KLC3: variants seen among roughly 807,000 people sequenced by gnomAD.
KLC3 encodes kinesin light chain 2.
A neutral mutation model predicts 62.9 loss-of-function variants in KLC3; 72 were observed. That is an observed-to-expected ratio of 1.15 (90% confidence interval 0.95 to 1.39). The LOEUF (loss-of-function observed/expected upper bound fraction) is 1.39, where lower values mean the gene tolerates loss of function less well. Ranked by LOEUF, KLC3 falls within the 40% of genes most tolerant of loss-of-function variation. KLC3 has a pLI of 0.00. For synonymous variants in KLC3, 377 were observed against 300.5 expected (o/e 1.25, Z -2.63); for missense variants, 848 against 691.6 (o/e 1.23, Z -2.54).
chr19:45,341,226 G>A (rs1971388131), intron 1 of KLC3, among the ~76,000 whole-genome samples: 1 of 151,554 alleles, frequency 6.6e-6, no homozygotes, highest in Non-Finnish European at 1.5e-5. Context: ...CTTTGCGTGT[G>A]TGTAAGAGAG....
intron 1 of KLC3, among the ~76,000 whole-genome samples, chr19:45,341,708 A>G (rs1365075425): frequency 2.0e-5 from 3 of 147,388 alleles, no homozygotes; most frequent in Non-Finnish European, 4.5e-5. Flanking sequence ...GAGCTGTTTC[A>G]TGGGACGGTG....
At position 45,341,554 on chromosome 19, in the gene KLC3, GGTGT is replaced by G. The variant is rs773352088; in HGVS notation, c.-9+730_-9+733del. Among the ~76,000 whole-genome samples the G allele has an allele frequency of 7.9e-3, 1,144 of 144,084 alleles. 9 individuals carry two copies. The highest frequency in any genetic ancestry group is 0.024 in the African/African-American group (963 of 39,694). The allele number at this position is 144,084 out of a possible 152,430, so 94.5% of individuals were successfully genotyped here. ...GGCTGTGGTTGTCTTTCTGCCTGTTGGTGTGTGTGTGTGTGTGTGTGTGTGCGCG... is the reference window on the plus strand; with the variant it reads ...GGCTGTGGTTGTCTTTCTGCCTGTTGGTGTGTGTGTGTGTGTGTGTGCGCG... On this transcript the variant is annotated intron_variant, in intron 1 of 12. Transcript: ENST00000391946.
chr19:45,341,879 A>T (rs1477339330), intron 1 of KLC3, among the ~76,000 whole-genome samples: 1 of 151,618 alleles, frequency 6.6e-6, no homozygotes, highest in Non-Finnish European at 1.5e-5. Context: ...TTTGTGGGAG[A>T]TGGGAGTGGA....
At position 45,348,907 on chromosome 19, in the gene KLC3, G is replaced by A. The variant is rs182912549; in HGVS notation, c.955G>A (p.Glu319Lys). 3.7e-5 allele frequency: 58 copies of A among 1,580,088 alleles called. No homozygotes were observed. The East Asian group carries it at 1.3e-3, about 36-fold the overall frequency. Residue 319 changes from glutamate to lysine, a missense_variant, in exon 7 of 13, where the codon GAG becomes AAG. Transcript: ENST00000391946. ...AGAGCCCCTGTGCCAGCGCGCTTTGGAGATCCGAGAGAAGGTCCCATCCCC... is the reference window on the plus strand; with the variant it reads ...AGAGCCCCTGTGCCAGCGCGCTTTGAAGATCCGAGAGAAGGTCCCATCCCC... ...EAEPLCQRAL[E>K]IREKVLGADH...
chr19:45,346,815 A>G (rs1568522708), intron 3 of KLC3, 41 bp downstream of exon 3: 4 of 1,387,660 alleles, frequency 2.9e-6, no homozygotes, highest in African/African-American at 1.8e-5. Context: ...TGGGCCCTTC[A>G]TAGAGCCCCA....
Position 45,350,687 on chromosome 19 carries a change from G to A in KLC3, c.1319G>A (p.Arg440Lys), listed in dbSNP as rs896034965. 6.2e-7 allele frequency: 1 copy of A among 1,613,918 alleles called. No individual in the cohort carries two copies. The highest frequency in any genetic ancestry group is 8.5e-7 in the Non-Finnish European group (1 of 1,179,946). ...CTCTCCAAGATCCGTGAGTCTATCA[G>A]GCGAGGAAGTGAGAAGCTGGTCTCC... Reference protein sequence around the residue: ...SSLSKIRESIRRGSEKLVSRL... With the variant: ...SSLSKIRESIKRGSEKLVSRL... The change falls in exon 11 of 13, where the codon AGG (arginine) becomes AAG (lysine). Residue 440 changes from arginine (R) to lysine (K), a missense_variant. Transcript: ENST00000391946.
chr19:45,348,736 G>A lies in KLC3; in HGVS notation c.867+3G>A. The stretch of plus-strand genomic sequence containing the variant: ...CGCTGGGCCCTGAGCACCCCGCGGT[G>A]AGTGGGGCCCCAGGGAGACGAAGTG... On this transcript the variant is annotated splice_donor_region_variant and intron_variant, in intron 6 of 12. Coordinates refer to ENST00000391946, the MANE Select transcript of KLC3 (RefSeq NM_177417.3). 6.3e-7 allele frequency: 1 copy of A among 1,582,542 alleles called. No individual in the cohort carries two copies. Among genetic ancestry groups the A allele is most frequent in the South Asian group, 1.2e-5 (1 of 86,574 alleles).
Position 45,345,589 on chromosome 19 carries a change from G to T in KLC3, c.48G>T (p.Glu16Asp), listed in dbSNP as rs1257332373. The change falls in exon 2 of 13, where the codon GAG (glutamate) becomes GAT (aspartate). Residue 16 changes from glutamate (E) to aspartate (D), a missense_variant. Glu to Asp is a conservative substitution (Grantham distance 45). Transcript: ENST00000391946. Reference protein sequence around the residue: ...AAPGSAGLGPERLSPEELVRQ... With the variant: ...AAPGSAGLGPDRLSPEELVRQ... ...CTGGAAGTGCAGGGCTGGGCCCAGAGCGCCTGAGCCCTGAGGAGCTGGTGC... is the reference window on the plus strand; with the variant it reads ...CTGGAAGTGCAGGGCTGGGCCCAGATCGCCTGAGCCCTGAGGAGCTGGTGC... 3.2e-6 allele frequency: 5 copies of T among 1,571,050 alleles called. No homozygotes were observed. Among genetic ancestry groups the T allele is most frequent in the Non-Finnish European group, 4.3e-6 (5 of 1,159,234 alleles).
At chr19:45,341,182 G>T (rs959292406) in intron 1 of KLC3, among the ~76,000 whole-genome samples, 1 of 110,152 alleles carries the variant, frequency 9.1e-6, no homozygotes, top group African/African-American at 4.2e-5. Context: ...CTGCCTGCCT[G>T]TGTTTGTGTG....
Position 45,350,726 on chromosome 19 carries a change from A to C in KLC3, c.1358A>C (p.Glu453Ala). ...AAGCTGGTCTCCCGGCTCCGAGGCG[A>C]GGCGGCGGCAGGAGCAGCCGGGTGA... Reference protein sequence around the residue: ...SEKLVSRLRGEAAAGAAGMKR... With the variant: ...SEKLVSRLRGAAAAGAAGMKR... The change falls in exon 11 of 13, where the codon GAG becomes GCG. Residue 453 changes from glutamate (E) to alanine (A), a missense_variant. Physicochemically the swap from Glu to Ala is moderately radical, Grantham distance 107 (BLOSUM62 -1). Transcript: ENST00000391946. 2 of 1,612,726 alleles carry C rather than the reference A, an allele frequency of 1.2e-6. No individual in the cohort carries two copies. Among genetic ancestry groups the C allele is most frequent in the Non-Finnish European group, 1.7e-6 (2 of 1,179,620 alleles).
In KLC3 at chr19:45,350,958, A is replaced by G. The variant is rs750878836; in HGVS notation, c.1384A>G (p.Lys462Glu). 2.5e-6 allele frequency: 4 copies of G among 1,614,080 alleles called. No homozygotes were observed. The highest frequency in any genetic ancestry group is 4.5e-5 in the East Asian group (2 of 44,872). ...TCCCTGCTGCCCTCTTTGCAGAATG[A>G]AGAGAGCCATGTCACTCAACACACT... ...GEAAAGAAGMKRAMSLNTLNV... is the reference protein window; with the variant it reads ...GEAAAGAAGMERAMSLNTLNV... Residue 462 changes from lysine (K) to glutamate (E), a missense_variant, in exon 12 of 13, where the codon AAG becomes GAG. Coordinates refer to ENST00000391946, the MANE Select transcript of KLC3 (RefSeq NM_177417.3).
chr19:45,348,707 C>A lies in KLC3; in HGVS notation c.841C>A (p.Gln281Lys). The A allele has an allele frequency of 1.3e-6, 2 of 1,595,342 alleles. No homozygotes were observed. Among genetic ancestry groups the A allele is most frequent in the Non-Finnish European group, 1.7e-6 (2 of 1,171,254 alleles). The change falls in exon 6 of 13, where the codon CAG becomes AAG. Residue 281 changes from glutamine to lysine, a missense_variant. Coordinates refer to ENST00000391946, the MANE Select transcript of KLC3 (RefSeq NM_177417.3). ...LLHDALQIRE[Q>K]TLGPEHPAVA... ...CCATGATGCCCTGCAGATCCGGGAGCAGACGCTGGGCCCTGAGCACCCCGC... is the reference window on the plus strand; with the variant it reads ...CCATGATGCCCTGCAGATCCGGGAGAAGACGCTGGGCCCTGAGCACCCCGC...
At chr19:45,342,055 C>G (rs1971407692) in intron 1 of KLC3, among the ~76,000 whole-genome samples, 1 of 151,934 alleles carries the variant, frequency 6.6e-6, no homozygotes, top group Non-Finnish European at 1.5e-5. Flanking sequence ...TGGGACACAG[C>G]CCGAGTGCTG....
chr19:45,345,189 G>C lies in KLC3; in HGVS notation c.-8-345G>C, dbSNP rs536427958. 5.9e-4 allele frequency: 280 copies of C among 474,238 alleles called. 1 individual carries two copies. The highest frequency in any genetic ancestry group is 7.7e-4 in the Non-Finnish European group (207 of 268,818). The allele number at this position is 474,238 out of a possible 1,614,324, so 29.4% of individuals were successfully genotyped here. ...ATCCAAGGGCCTTGGGGTGGGGAAG[G>C]CTGGCCAGGTGAGCTGAGGGCAGAT... On this transcript the variant is annotated intron_variant, in intron 1 of 12. Transcript: ENST00000391946.
intron 1 of KLC3, among the ~76,000 whole-genome samples, chr19:45,343,457 C>A (rs1428921187): frequency 1.3e-5 from 2 of 152,110 alleles, no homozygotes; most frequent in East Asian, 3.9e-4. Context: ...GCCTCAGCCT[C>A]ATGAGTAGCT....
At position 45,349,576 on chromosome 19, in the gene KLC3, A is replaced by C. The variant is rs1284649195; in HGVS notation, c.1117A>C (p.Asn373His). The part of the protein sequence containing the change: ...YEALGGPHDP[N>H]VAKTKNNLAS... ...GGCACTGGGCGGGCCCCATGACCCC[A>C]ACGTGGCCAAGACCAAGAACAACCT... Residue 373 changes from asparagine to histidine, a missense_variant, in exon 8 of 13, where the codon AAC becomes CAC. Physicochemically the swap from Asn to His is moderately conservative, Grantham distance 68. Transcript: ENST00000391946. The C allele has an allele frequency of 5.0e-6, 8 of 1,612,898 alleles. No individual in the cohort carries two copies. The highest frequency in any genetic ancestry group is 6.8e-6 in the Non-Finnish European group (8 of 1,179,288).
Position 45,351,516 on chromosome 19 carries a change from G to GT in KLC3, c.*160dup. The GT allele has an allele frequency of 6.2e-7, 1 of 1,600,356 alleles. No individual in the cohort carries two copies. Among genetic ancestry groups the GT allele is most frequent in the East Asian group, 2.2e-5 (1 of 44,820 alleles). ...GCGATTAAAGGCTGTGGACGTGACA[G>GT]TGAGAAATGTCACCTGACTTCATAA... On this transcript the variant is annotated 3_prime_UTR_variant, in exon 13 of 13. Transcript: ENST00000391946.
rs981875668 is a variant in KLC3, at chr19:45,346,984, C to G, written c.489+210C>G. ...ACAGACGCCCCCACTAGCTACTCCA[C>G]GAAGCCCCCGAGCCTCGCCAGACCC... On this transcript the variant is annotated intron_variant, in intron 3 of 12. Coordinates refer to ENST00000391946, the MANE Select transcript of KLC3 (RefSeq NM_177417.3). 2.1e-4 allele frequency: 111 copies of G among 537,458 alleles called. No homozygotes were observed. The Admixed American group carries it at 2.4e-3, about 11-fold the overall frequency. The allele number at this position is 537,458 out of a possible 1,614,324, so 33.3% of individuals were successfully genotyped here. A position where few individuals can be genotyped will look rare whatever the true frequency, so the allele number is the denominator to read the frequency against.
chr19:45,345,855 G>C, intron 2 of KLC3, 56 bp downstream of exon 2: 1 of 1,491,706 alleles, frequency 6.7e-7, no homozygotes, highest in Non-Finnish European at 8.9e-7. Flanking sequence ...CGGAGGGAGG[G>C]CCAGGCATGA....
Sources: gnomAD v4.1 joint callset for allele counts (sites outside exome capture counted in the v4.1 genomes callset) on GRCh38, gnomAD v4.1.1 for gene constraint, MANE v1.5 for transcripts, NCBI Gene and HGNC (gene_info 2026-07-23, HGNC 2026-07-21) for gene names.